Variants in SMTNL2 observed in about 807,000 individuals in gnomAD.
The protein encoded by SMTNL2 is smoothelin like 2.
SMTNL2 carries 43 observed loss-of-function variants against 44.1 expected under a neutral mutation model. The ratio of observed to expected loss-of-function variants is 0.98; its 90% CI spans 0.76 to 1.26. The LOEUF is 1.26. Among genes scored for constraint, SMTNL2 ranks in the 50% most tolerant of loss-of-function variants. SMTNL2 has a pLI of 0.00. For synonymous variants in SMTNL2, 317 were observed against 287.6 expected (o/e 1.10, Z -1.03); for missense variants, 646 against 670.2 (o/e 0.96, Z 0.40).
In SMTNL2 at chr17:4,607,541, G is replaced by A. The variant is rs975068397; in HGVS notation, c.*54G>A. 1.4e-5 allele frequency: 23 copies of A among 1,588,826 alleles called. No individual in the cohort carries two copies. In the East Asian group the frequency reaches 2.3e-4, roughly 16 times the overall value. ...AGCCCCAGGAAGAGGCCGGGGGTCC[G>A]CTTGCGATTCCCCAGCCAGGATGCC... On this transcript the variant is annotated 3_prime_UTR_variant, in exon 8 of 8. Coordinates refer to ENST00000389313, the MANE Select transcript of SMTNL2 (RefSeq NM_001114974.2). This position sits in a 1 kb window ranked among gnomAD's most constrained non-coding sequence, Gnocchi z 4.7.
chr17:4,602,701 G>A (rs9909170), intron 7 of SMTNL2, among the ~76,000 whole-genome samples: 42,563 of 152,014 alleles, frequency 0.28, 7,345 homozygotes, highest in Non-Finnish European at 0.39. Context: ...CAGGTGATCC[G>A]TGGAAGGTGG....
chr17:4,592,355 C>A lies in SMTNL2; in HGVS notation c.400-6C>A, dbSNP rs777124824. 6.2e-7 allele frequency: 1 copy of A among 1,613,336 alleles called. No homozygotes were observed. The highest frequency in any genetic ancestry group is 1.1e-5 in the South Asian group (1 of 91,046). On this transcript the variant is annotated splice_polypyrimidine_tract_variant and splice_region_variant and intron_variant, in intron 1 of 7. Coordinates refer to ENST00000389313, the MANE Select transcript of SMTNL2 (RefSeq NM_001114974.2). This position sits in a 1 kb window ranked among gnomAD's most constrained non-coding sequence, Gnocchi z 4.5. ...TGGGGTCTCGGTGACATTTGTGTCTCTGTAGAGTTTGGATCACGATGAGGC... is the reference window on the plus strand; with the variant it reads ...TGGGGTCTCGGTGACATTTGTGTCTATGTAGAGTTTGGATCACGATGAGGC...
Position 4,592,247 on chromosome 17 carries a change from C to A in SMTNL2, c.400-114C>A. ...ACTTTCTTCCTGGGGGCTGTTTTCT[C>A]TCAACATGATTGGTGTTTTGCCAGA... On this transcript the variant is annotated intron_variant, in intron 1 of 7. Transcript: ENST00000389313. This position sits in a 1 kb window ranked among gnomAD's most constrained non-coding sequence, Gnocchi z 4.5. 2.0e-6 allele frequency: 2 copies of A among 1,007,186 alleles called. No homozygotes were observed. The highest frequency in any genetic ancestry group is 2.5e-5 in the East Asian group (1 of 39,726). 62.4% of individuals were successfully genotyped at this position (1,007,186 alleles called of 1,614,324 possible). A position where few individuals can be genotyped will look rare whatever the true frequency, so the allele number is the denominator to read the frequency against.
At chr17:4,589,814 C>T (rs1300926899) in intron 1 of SMTNL2, among the ~76,000 whole-genome samples, 1 of 151,960 alleles carries the variant, frequency 6.6e-6, no homozygotes, top group Non-Finnish European at 1.5e-5. Flanking sequence ...TCCCCCAACC[C>T]CCTGTCCCCC....
chr17:4,599,738 C>T (rs72833799), intron 7 of SMTNL2, among the ~76,000 whole-genome samples: 18,645 of 152,250 alleles, frequency 0.12, 1,445 homozygotes, highest in Non-Finnish European at 0.18. Flanking sequence ...AGAGCGATTC[C>T]GGGCTGTGCT....
At chr17:4,606,413 C>T (rs1251084032) in intron 7 of SMTNL2, among the ~76,000 whole-genome samples, 1 of 151,622 alleles carries the variant, frequency 6.6e-6, no homozygotes, top group African/African-American at 2.4e-5. Flanking sequence ...TGAGCCACCA[C>T]ATCCAGCCTA....
At chr17:4,596,742 G>T (rs1909830148) in intron 5 of SMTNL2, 118 bp from the exon 6 acceptor site, 2 of 843,726 alleles carry the variant, frequency 2.4e-6, no homozygotes, top group Non-Finnish European at 1.7e-6. Flanking sequence ...CCCTGGGTGA[G>T]CAGAGCAGGT....
chr17:4,588,003 A>G (rs1229676546), intron 1 of SMTNL2, among the ~76,000 whole-genome samples: 1 of 152,250 alleles, frequency 6.6e-6, no homozygotes, highest in East Asian at 1.9e-4. Context: ...AACAGCTGCC[A>G]GGAGCCCCAT....
At chr17:4,597,077 G>A in intron 6 of SMTNL2, 95 bp from the exon 7 acceptor site, 1 of 1,521,138 alleles carries the variant, frequency 6.6e-7, no homozygotes, top group Non-Finnish European at 8.8e-7. Flanking sequence ...GGAGCCCGCT[G>A]AGGCTGGGGT....
rs577347703 is a variant in SMTNL2, at chr17:4,607,284, G to A, written c.1260-77G>A. 1.3e-4 allele frequency: 214 copies of A among 1,593,194 alleles called. No homozygotes were observed. Among genetic ancestry groups the A allele is most frequent in the African/African-American group, 6.0e-4 (45 of 74,572 alleles). On this transcript the variant is annotated intron_variant, in intron 7 of 7. Transcript: ENST00000389313. This position sits in a 1 kb window ranked among gnomAD's most constrained non-coding sequence, Gnocchi z 4.7. ...CCGGCTGAGCTCTGTTCCCGGGACC[G>A]AGACACCGGCCCTGTCGCGGCTGTG...
rs554538754 is a variant in SMTNL2 at position 4,595,438 on chromosome 17, G to T, written c.989+111G>T. On this transcript the variant is annotated intron_variant, in intron 5 of 7. Transcript: ENST00000389313. The surrounding 1 kb of genome is among the most constrained non-coding windows in gnomAD (Gnocchi z 5.1). ...TCAGCCCTGTCCTGTTCCCCAGGGCGCTGTTGCCCAGGACAAGATCTCTTG... is the reference window on the plus strand; with the variant it reads ...TCAGCCCTGTCCTGTTCCCCAGGGCTCTGTTGCCCAGGACAAGATCTCTTG... 6 of 1,411,420 alleles carry T rather than the reference G, an allele frequency of 4.3e-6. No individual in the cohort carries two copies. The highest frequency in any genetic ancestry group is 5.7e-6 in the Non-Finnish European group (6 of 1,049,640). 87.4% of individuals were successfully genotyped at this position (1,411,420 alleles called of 1,614,324 possible). A position where few individuals can be genotyped will look rare whatever the true frequency, so the allele number is the denominator to read the frequency against.
rs111750914 is a variant in SMTNL2 at position 4,594,174 on chromosome 17, C to T, written c.806+277C>T. On this transcript the variant is annotated intron_variant, in intron 4 of 7. Transcript: ENST00000389313. The stretch of plus-strand genomic sequence containing the variant: ...TCAAAAGATTGGAGGAGTGGCCGGG[C>T]GCGGTGGCTCACACCTGTAATCCCA... 0.031 allele frequency among the ~76,000 whole-genome samples: 4,648 copies of T among 152,122 alleles called. 206 individuals carry two copies. Among genetic ancestry groups the T allele is most frequent in the African/African-American group, 0.096 (3,987 of 41,464 alleles).
intron 3 of SMTNL2, 36 bp from the exon 4 acceptor site, chr17:4,593,786 C>G (rs1226284734): frequency 6.2e-7 from 1 of 1,605,610 alleles, no homozygotes; most frequent in Non-Finnish European, 8.5e-7. Flanking sequence ...TCCCTGGGGC[C>G]AGGGTTTGTT....
chr17:4,596,833 C>T, intron 5 of SMTNL2, 27 bp from the exon 6 acceptor site: 3 of 1,421,454 alleles, frequency 2.1e-6, no homozygotes, highest in South Asian at 3.0e-5. Context: ...GAGGGGCCCC[C>T]GCAGCAGGCC....
chr17:4,590,253 C>G (rs552283234), intron 1 of SMTNL2, among the ~76,000 whole-genome samples: 34 of 152,080 alleles, frequency 2.2e-4, no homozygotes, highest in Admixed American at 2.2e-3. Context: ...AGGCGTGAGC[C>G]ACCGCGCCTG....
chr17:4,586,232 A>G (rs1018523619), intron 1 of SMTNL2, among the ~76,000 whole-genome samples: 1 of 152,152 alleles, frequency 6.6e-6, no homozygotes, highest in Admixed American at 6.5e-5. Context: ...GTTCTTAAAC[A>G]TGTCATGGTA....
chr17:4,607,231 C>T lies in SMTNL2; in HGVS notation c.1260-130C>T, dbSNP rs79074537. The T allele has an allele frequency of 0.057, 81,687 of 1,425,686 alleles. 2,683 individuals are homozygous for T. The highest frequency in any genetic ancestry group is 0.066 in the Non-Finnish European group (69,542 of 1,047,540). 88.3% of individuals were successfully genotyped at this position (1,425,686 alleles called of 1,614,324 possible). On this transcript the variant is annotated intron_variant, in intron 7 of 7. Transcript: ENST00000389313. This position sits in a 1 kb window ranked among gnomAD's most constrained non-coding sequence, Gnocchi z 4.7. ...CTGCCAGGGTTATCTGAATTCCCCGCTGGTGGGTCCTTGGGAACCTCTGGC... is the reference window on the plus strand; with the variant it reads ...CTGCCAGGGTTATCTGAATTCCCCGTTGGTGGGTCCTTGGGAACCTCTGGC...
Position 4,584,919 on chromosome 17 carries a change from C to A in SMTNL2, c.314C>A (p.Ala105Glu). The A allele has an allele frequency of 7.7e-7, 1 of 1,300,412 alleles. No homozygotes were observed. Among genetic ancestry groups the A allele is most frequent in the Non-Finnish European group, 9.7e-7 (1 of 1,030,282 alleles). 80.6% of individuals were successfully genotyped at this position (1,300,412 alleles called of 1,614,324 possible). The change falls in exon 1 of 8, where the codon GCG becomes GAG. Residue 105 changes from alanine to glutamate, a missense_variant. Physicochemically the swap from Ala to Glu is moderately radical, Grantham distance 107. Coordinates refer to ENST00000389313, the MANE Select transcript of SMTNL2 (RefSeq NM_001114974.2). The stretch of plus-strand genomic sequence containing the variant: ...CCCGGCACGCCCAGCCCCCCGCCCG[C>A]GCCCGGGGTTCCCGACCGCGCGCCC... ...GTPGTPSPPP[A>E]PGVPDRAPRL...
At chr17:4,589,059 C>A (rs1322326395) in intron 1 of SMTNL2, among the ~76,000 whole-genome samples, 1 of 152,098 alleles carries the variant, frequency 6.6e-6, no homozygotes, top group Non-Finnish European at 1.5e-5. Flanking sequence ...CTGGGCTCAG[C>A]CCTACACCCC....
Sources: gnomAD v4.1 joint callset for allele counts (sites outside exome capture counted in the v4.1 genomes callset) on GRCh38, gnomAD v4.1.1 for gene constraint, Gnocchi (gnomAD v3.1) non-coding constraint, MANE v1.5 for transcripts, NCBI Gene and HGNC (gene_info 2026-07-23, HGNC 2026-07-21) for gene names.